Variants in KRT15 observed in about 807,000 individuals in gnomAD.
KRT15 encodes keratin 15.
A neutral mutation model predicts 46.6 loss-of-function variants in KRT15; 45 were observed. That is an observed-to-expected ratio of 0.97 (90% CI 0.76 to 1.24). The LOEUF is 1.24. KRT15 is among the 50% of genes most tolerant of loss of function. The pLI is 0.00. For missense variants in KRT15, 592 were observed against 588.9 expected, an observed-to-expected ratio of 1.01 and a Z score of -0.05; for synonymous variants, 221 against 233.8, an observed-to-expected ratio of 0.95 and a Z score of 0.50.
Position 41,513,989 on chromosome 17 carries a change from G to T in KRT15, c.*34C>A. 1 of 1,480,366 alleles carries T rather than the reference G, an allele frequency of 6.8e-7. No homozygotes were observed. Among genetic ancestry groups the T allele is most frequent in the Non-Finnish European group, 9.4e-7 (1 of 1,058,332 alleles). 91.7% of individuals were successfully genotyped at this position (1,480,366 alleles called of 1,614,324 possible). ...CTCCACTTGGCCTGATGAGAGTGGG[G>T]AGTGGCAAGGGACGTTTCTCCTGCA... On this transcript the variant is annotated 3_prime_UTR_variant, in exon 8 of 8. Transcript: ENST00000254043.
chr17:41,514,161 C>A (rs754196440), intron 7 of KRT15, 41 bp from the exon 8 acceptor site: 1 of 1,508,868 alleles, frequency 6.6e-7, no homozygotes, highest in Non-Finnish European at 9.2e-7. Context: ...GGGGAACCTC[C>A]CCGCTCTGCC....
chr17:41,514,482 C>T (rs1044875224), intron 7 of KRT15, 167 bp downstream of exon 7: 3 of 651,520 alleles, frequency 4.6e-6, no homozygotes, highest in Non-Finnish European at 2.7e-6. Context: ...TGCAATCTCA[C>T]CTGGGGCTGA....
Position 41,516,202 on chromosome 17 carries a change from C to T in KRT15, c.802G>A (p.Gly268Ser). 6.2e-7 allele frequency: 1 copy of T among 1,614,166 alleles called. No homozygotes were observed. Among genetic ancestry groups the T allele is most frequent in the Non-Finnish European group, 8.5e-7 (1 of 1,180,022 alleles). The part of the protein sequence containing the change: ...QVNVEMDAAP[G>S]VDLTRVLAEM... ...GCCAGCACACGGGTCAGGTCCACACCCGGTGCTGCGTCCATCTCCACATTG... is the reference window on the plus strand; with the variant it reads ...GCCAGCACACGGGTCAGGTCCACACTCGGTGCTGCGTCCATCTCCACATTG... Residue 268 changes from glycine to serine, a missense_variant, in exon 4 of 8, where the codon GGT becomes AGT. Coordinates refer to ENST00000254043, the MANE Select transcript of KRT15 (RefSeq NM_002275.4).
rs1905352452 is a variant in KRT15, at chr17:41,516,126, A to C, written c.878T>G (p.Val293Gly). ...CACCTTGCTGAAGAACCAGGCCTCG[A>C]CATCCCGGCGGTTCTTCTCCGCCAT... Reference protein sequence around the residue: ...EAMAEKNRRDVEAWFFSKTEE... With the variant: ...EAMAEKNRRDGEAWFFSKTEE... Residue 293 changes from valine to glycine, a missense_variant, in exon 4 of 8, where the codon GTC becomes GGC. Transcript: ENST00000254043. The C allele has an allele frequency of 6.2e-7, 1 of 1,614,204 alleles. No individual in the cohort carries two copies. Among genetic ancestry groups the C allele is most frequent in the Non-Finnish European group, 8.5e-7 (1 of 1,180,040 alleles).
chr17:41,513,946 C>T lies in KRT15; in HGVS notation c.*77G>A. 2 of 1,078,620 alleles carry T rather than the reference C, an allele frequency of 1.9e-6. No individual in the cohort carries two copies. The highest frequency in any genetic ancestry group is 2.5e-5 in the South Asian group (2 of 79,806). The allele number at this position is 1,078,620 out of a possible 1,614,324, so 66.8% of individuals were successfully genotyped here. A position where few individuals can be genotyped will look rare whatever the true frequency, so the allele number is the denominator to read the frequency against. On this transcript the variant is annotated 3_prime_UTR_variant, in exon 8 of 8. Coordinates refer to ENST00000254043, the MANE Select transcript of KRT15 (RefSeq NM_002275.4). ...AGGCAGGGACTGGAGTTTGCATGTG[C>T]AGGCCCTCTGGCCAGTCCTCCACTT...
rs1905245192 is a variant in KRT15 at position 41,513,951 on chromosome 17, C to T, written c.*72G>A. ...GGGACTGGAGTTTGCATGTGCAGGC[C>T]CTCTGGCCAGTCCTCCACTTGGCCT... On this transcript the variant is annotated 3_prime_UTR_variant, in exon 8 of 8. Transcript: ENST00000254043. 4 of 1,140,550 alleles carry T rather than the reference C, an allele frequency of 3.5e-6. No homozygotes were observed. The highest frequency in any genetic ancestry group is 5.3e-6 in the Non-Finnish European group (4 of 748,670). The allele number at this position is 1,140,550 out of a possible 1,614,324, so 70.7% of individuals were successfully genotyped here.
chr17:41,514,612 C>T (rs1905269859), intron 7 of KRT15, 37 bp downstream of exon 7: 1 of 1,604,704 alleles, frequency 6.2e-7, no homozygotes, highest in Non-Finnish European at 8.5e-7. Context: ...AACATCTCCC[C>T]TCCCCACCCC....
Position 41,516,259 on chromosome 17 carries a change from T to G in KRT15, c.745A>C (p.Lys249Gln). 6.2e-7 allele frequency: 1 copy of G among 1,612,998 alleles called. No homozygotes were observed. The highest frequency in any genetic ancestry group is 1.1e-5 in the South Asian group (1 of 91,048). ...CCGGCCAGCTGGCTGCTGAACTCCT[T>G]CATCTCCTGCAGGATGGGAGGGACC... is the stretch of plus-strand genomic sequence containing the variant. ...YLKKNHEEEM[K>Q]EFSSQLAGQV... The change falls in exon 4 of 8, where the codon AAG (lysine) becomes CAG (glutamine). Residue 249 changes from lysine to glutamine, a missense_variant. Lys to Gln is a moderately conservative substitution (Grantham distance 53). Transcript: ENST00000254043.
chr17:41,514,355 A>G, intron 7 of KRT15: 1 of 600,040 alleles, frequency 1.7e-6, no homozygotes, highest in Non-Finnish European at 3.0e-6. Flanking sequence ...CAAGCTGCAC[A>G]TGAAGGGGGA....
chr17:41,515,002 G>T, intron 6 of KRT15: 1 of 297,094 alleles, frequency 3.4e-6, no homozygotes, highest in Non-Finnish European at 6.3e-6. Flanking sequence ...GAGTAGCTGG[G>T]ATTACAGGCA....
In KRT15 at chr17:41,518,606, A is replaced by T; in HGVS notation, c.222T>A (p.Gly74=). 6.2e-7 allele frequency: 1 copy of T among 1,607,832 alleles called. No individual in the cohort carries two copies. Among genetic ancestry groups the T allele is most frequent in the African/African-American group, 1.4e-5 (1 of 74,016 alleles). The change falls in exon 1 of 8, where the codon GGT becomes GGA. Residue 74 remains glycine (G), a synonymous_variant. Transcript: ENST00000254043. ...CTCCAAAGCCTCCACCGAAAACACT[A>T]CCAGCCCCTCCACCAAAGCCACAGA... ...MRVCGFGGGA[G]SVFGGGFGGG...
chr17:41,514,215 C>A (rs1401110026), intron 7 of KRT15, 95 bp from the exon 8 acceptor site: 1 of 930,184 alleles, frequency 1.1e-6, no homozygotes, highest in Non-Finnish European at 1.8e-6. Context: ...AACTAGACAG[C>A]ACCCCTGAGA....
intron 7 of KRT15, 56 bp downstream of exon 7, chr17:41,514,593 G>T: frequency 6.5e-7 from 1 of 1,529,738 alleles, no homozygotes; most frequent in Non-Finnish European, 9.1e-7. Context: ...CGAAGGGGGT[G>T]GTGGCTTCAA....
At chr17:41,517,885 C>CT (rs566599402) in intron 1 of KRT15, among the ~76,000 whole-genome samples, 14 of 151,446 alleles carry the variant, frequency 9.2e-5, no homozygotes, top group Admixed American at 2.0e-4. Flanking sequence ...GCGAGTTGCT[C>CT]TTTTTTTTTA....
At position 41,518,738 on chromosome 17, in the gene KRT15, A is replaced by G. The variant is rs1372388443; in HGVS notation, c.90T>C (p.Phe30=). 2.7e-6 allele frequency: 3 copies of G among 1,093,150 alleles called. No individual in the cohort carries two copies. Among genetic ancestry groups the G allele is most frequent in the Non-Finnish European group, 2.6e-6 (2 of 780,810 alleles). The allele number at this position is 1,093,150 out of a possible 1,614,324, so 67.7% of individuals were successfully genotyped here. A position where few individuals can be genotyped will look rare whatever the true frequency, so the allele number is the denominator to read the frequency against. Reference sequence around the variant, plus strand: ...CTCCCCCAGAGAGACTCCCCCCACCAAAGCCACCTCCCCCAGCCAGGAGGG... The same window carrying G: ...CTCCCCCAGAGAGACTCCCCCCACCGAAGCCACCTCCCCCAGCCAGGAGGG... The part of the protein sequence containing the change: ...GGSLLAGGGG[F]GGGSLSGGGG... Residue 30 remains phenylalanine, a synonymous_variant, in exon 1 of 8, where the codon TTT becomes TTC. Transcript: ENST00000254043.
rs746030822 is a variant in KRT15, at chr17:41,514,054, T to C, written c.1340A>G (p.Gln447Arg). ...HINVEESVDGQVVSSHKREI is the reference protein window; with the variant it reads ...HINVEESVDGRVVSSHKREI The stretch of plus-strand genomic sequence containing the variant: ...TTCTCTCTTGTGGGAAGAAACCACC[T>C]GTCCATCCACTGACTCTTCTACATT... Residue 447 changes from glutamine to arginine, a missense_variant, in exon 8 of 8, where the codon CAG becomes CGG. Coordinates refer to ENST00000254043, the MANE Select transcript of KRT15 (RefSeq NM_002275.4). 1 of 1,614,000 alleles carries C rather than the reference T, an allele frequency of 6.2e-7. No homozygotes were observed. Among genetic ancestry groups the C allele is most frequent in the South Asian group, 1.1e-5 (1 of 91,088 alleles).
Position 41,515,667 on chromosome 17 carries a change from G to T in KRT15, c.1052C>A (p.Ala351Asp), listed in dbSNP as rs769807432. ...SMKAGLENSL[A>D]ETECRYATQL... Reference sequence around the variant, plus strand: ...CGTGGCATAGCGGCACTCTGTCTCGGCCAGTGAGTTCTCCAGCCCAGCTTT... The same window carrying T: ...CGTGGCATAGCGGCACTCTGTCTCGTCCAGTGAGTTCTCCAGCCCAGCTTT... Residue 351 changes from alanine to aspartate, a missense_variant, in exon 6 of 8, where the codon GCC becomes GAC. Coordinates refer to ENST00000254043, the MANE Select transcript of KRT15 (RefSeq NM_002275.4). 2 of 1,614,070 alleles carry T rather than the reference G, an allele frequency of 1.2e-6. No homozygotes were observed. Among genetic ancestry groups the T allele is most frequent in the Admixed American group, 3.3e-5 (2 of 60,032 alleles).
In KRT15 at chr17:41,515,625, T is replaced by C. The variant is rs1235585568; in HGVS notation, c.1094A>G (p.Gln365Arg). ...GGCCTCCAGGCCACCAATGAGCCCCTGGATCTGCTGCAGCTGCGTGGCATA... is the reference window on the plus strand; with the variant it reads ...GGCCTCCAGGCCACCAATGAGCCCCCGGATCTGCTGCAGCTGCGTGGCATA... Reference protein sequence around the residue: ...CRYATQLQQIQGLIGGLEAQL... With the variant: ...CRYATQLQQIRGLIGGLEAQL... Residue 365 changes from glutamine to arginine, a missense_variant, in exon 6 of 8, where the codon CAG becomes CGG. Coordinates refer to ENST00000254043, the MANE Select transcript of KRT15 (RefSeq NM_002275.4). 1 of 1,614,084 alleles carries C rather than the reference T, an allele frequency of 6.2e-7. No homozygotes were observed. The highest frequency in any genetic ancestry group is 1.3e-5 in the African/African-American group (1 of 74,938).
intron 6 of KRT15, chr17:41,515,117 T>C (rs1306041605): frequency 3.1e-6 from 1 of 326,028 alleles, no homozygotes; most frequent in Non-Finnish European, 5.7e-6. Context: ...TCCACCCGCC[T>C]TGGACTCCCA....
Sources: gnomAD v4.1 joint callset for allele counts (sites outside exome capture counted in the v4.1 genomes callset) on GRCh38, gnomAD v4.1.1 for gene constraint, MANE v1.5 for transcripts, NCBI Gene and HGNC (gene_info 2026-07-23, HGNC 2026-07-21) for gene names.